The following CACNG5 variants were observed in gnomAD, a reference collection of about 807,000 sequenced individuals.
The protein encoded by CACNG5 is calcium voltage-gated channel auxiliary subunit gamma 5.
A neutral mutation model predicts 24.8 loss-of-function variants in CACNG5; 18 were observed. The ratio of observed to expected loss-of-function variants is 0.73; its 90% CI spans 0.50 to 1.08. The LOEUF (loss-of-function observed/expected upper bound fraction) is 1.08. Ranked by LOEUF, CACNG5 falls within the 50% of genes least tolerant of loss-of-function variation. The probability of loss-of-function intolerance (pLI) is 0.00; values close to 1 mark genes in which losing one functional copy is unlikely to be tolerated. For synonymous variants in CACNG5, 157 were observed against 149.1 expected (o/e 1.05, Z -0.39); for missense variants, 349 against 367.9 (o/e 0.95, Z 0.42).
rs1326953996 is a variant in CACNG5, at chr17:66,894,410, T to C, written c.*9170T>C. Among the ~76,000 whole-genome samples, 1 of 152,196 alleles carries C rather than the reference T, an allele frequency of 6.6e-6. No individual in the cohort carries two copies. The highest frequency in any genetic ancestry group is 1.5e-5 in the Non-Finnish European group (1 of 68,042). On this transcript the variant is annotated 3_prime_UTR_variant, in exon 6 of 6. Coordinates refer to ENST00000533854, the MANE Select transcript of CACNG5 (RefSeq NM_145811.3). ...TATTAATAATAAATTAGTACTAATA[T>C]ATTATTTTGGTTATTGCTACTGTTT...
At chr17:66,855,059 G>A (rs764533733) in intron 1 of CACNG5, among the ~76,000 whole-genome samples, 2 of 152,210 alleles carry the variant, frequency 1.3e-5, no homozygotes, top group Admixed American at 6.5e-5. Context: ...ACATACTGCA[G>A]GTGGTAGAAC....
intron 1 of CACNG5, among the ~76,000 whole-genome samples, chr17:66,841,171 A>G (rs1359872153): frequency 2.0e-5 from 3 of 152,192 alleles, no homozygotes; most frequent in Admixed American, 6.5e-5. Flanking sequence ...TAAGATGTAC[A>G]TTGGTTCTGT....
intron 1 of CACNG5, among the ~76,000 whole-genome samples, chr17:66,870,101 G>A (rs1387419754): frequency 1.3e-5 from 2 of 151,928 alleles, no homozygotes; most frequent in African/African-American, 4.8e-5. Flanking sequence ...AAAAGAAAAA[G>A]TGTAAAAGAA....
chr17:66,879,762 A>G (rs1977132007), intron 3 of CACNG5, among the ~76,000 whole-genome samples: 2 of 152,166 alleles, frequency 1.3e-5, no homozygotes, highest in African/African-American at 2.4e-5. Flanking sequence ...TCAACCAGGA[A>G]GCTCAACTGA....
chr17:66,877,245 C>T lies in CACNG5; in HGVS notation c.-88C>T, dbSNP rs1167322431. On this transcript the variant is annotated 5_prime_UTR_variant, in exon 2 of 6. Coordinates refer to ENST00000533854, the MANE Select transcript of CACNG5 (RefSeq NM_145811.3). Reference sequence around the variant, plus strand: ...GTCTTCTCAGAGCCGTGGGTACTGCCACCTGCTCACCCACTCTCCCTAGCC... The same window carrying T: ...GTCTTCTCAGAGCCGTGGGTACTGCTACCTGCTCACCCACTCTCCCTAGCC... The T allele has an allele frequency of 8.8e-7, 1 of 1,134,880 alleles. No homozygotes were observed. The highest frequency in any genetic ancestry group is 1.3e-6 in the Non-Finnish European group (1 of 781,676). The allele number at this position is 1,134,880 out of a possible 1,614,324, so 70.3% of individuals were successfully genotyped here.
chr17:66,874,545 A>C (rs1758223852), intron 1 of CACNG5, among the ~76,000 whole-genome samples: 1 of 152,292 alleles, frequency 6.6e-6, no homozygotes, highest in South Asian at 2.1e-4. Context: ...CAAGGGAACT[A>C]ATTCATTCCT....
intron 1 of CACNG5, among the ~76,000 whole-genome samples, chr17:66,849,664 C>T (rs566355928): frequency 6.6e-4 from 101 of 152,352 alleles, no homozygotes; most frequent in African/African-American, 2.3e-3. Context: ...ACACCCCTCT[C>T]AGCCTTCGTG....
At chr17:66,871,110 G>A (rs530143603) in intron 1 of CACNG5, among the ~76,000 whole-genome samples, 3 of 152,244 alleles carry the variant, frequency 2.0e-5, no homozygotes, top group Non-Finnish European at 2.9e-5. Flanking sequence ...AAGATTTTGC[G>A]GTCATTTTTT....
intron 1 of CACNG5, among the ~76,000 whole-genome samples, chr17:66,868,994 T>C (rs1976966702): frequency 6.6e-6 from 1 of 152,162 alleles, no homozygotes; most frequent in Non-Finnish European, 1.5e-5. Context: ...GTCTGAGCCA[T>C]TTTGCCCTTT....
At position 66,885,207 on chromosome 17, in the gene CACNG5, C is replaced by T. The variant is rs73335104; in HGVS notation, c.795C>T (p.Pro265=). 9,851 of 1,601,566 alleles carry T rather than the reference C, an allele frequency of 6.2e-3. 510 individuals are homozygous for T. The African/African-American group carries it at 0.12, about 19-fold the overall frequency. The change falls in exon 6 of 6, where the codon CCC becomes CCT. Residue 265 remains proline (P), a synonymous_variant. Coordinates refer to ENST00000533854, the MANE Select transcript of CACNG5 (RefSeq NM_145811.3). ...ACTACCCCGCCTTGCTCAAGTGCCC[C>T]GACTATGATCAGATGTCCTCTTCAC... ...NSNYPALLKC[P]DYDQMSSSPC
At chr17:66,854,407 C>CA (rs1438457497) in intron 1 of CACNG5, among the ~76,000 whole-genome samples, 9 of 145,768 alleles carry the variant, frequency 6.2e-5, no homozygotes, top group African/African-American at 1.0e-4. Context: ...GCCTGGGTGA[C>CA]AGAGCCAGAC....
rs112576176 is a variant in CACNG5 at position 66,839,828 on chromosome 17, T to A, written c.-104+4578T>A. Among the ~76,000 whole-genome samples the A allele has an allele frequency of 3.9e-5, 6 of 152,276 alleles. 1 individual carries two copies. The highest frequency in any genetic ancestry group is 1.4e-4 in the African/African-American group (6 of 41,566). On this transcript the variant is annotated intron_variant, in intron 1 of 5. Transcript: ENST00000533854. ...AGGCACAAACGCCGCTCCAGGGCTGTTCCGCGCACGTGCACTGAAGTCCTG... is the reference window on the plus strand; with the variant it reads ...AGGCACAAACGCCGCTCCAGGGCTGATCCGCGCACGTGCACTGAAGTCCTG...
chr17:66,881,381 C>T (rs112358836), intron 4 of CACNG5, among the ~76,000 whole-genome samples: 4 of 152,112 alleles, frequency 2.6e-5, no homozygotes, highest in African/African-American at 9.7e-5. Flanking sequence ...CACAATCTGC[C>T]TTTGGAATAA....
rs2143136629 is a variant in CACNG5, at chr17:66,886,218, G to A, written c.*978G>A. 6.6e-6 allele frequency among the ~76,000 whole-genome samples: 1 copy of A among 152,330 alleles called. No homozygotes were observed. The highest frequency in any genetic ancestry group is 1.9e-4 in the East Asian group (1 of 5,176). On this transcript the variant is annotated 3_prime_UTR_variant, in exon 6 of 6. Coordinates refer to ENST00000533854, the MANE Select transcript of CACNG5 (RefSeq NM_145811.3). ...GTGGAAGGTTGCCTTCGAAGAGGCT[G>A]CCTGGGAGTGGGAGCTGGATTTGAG...
chr17:66,840,286 G>A (rs2144495898), intron 1 of CACNG5, among the ~76,000 whole-genome samples: 1 of 152,336 alleles, frequency 6.6e-6, no homozygotes, highest in South Asian at 2.1e-4. Flanking sequence ...GCCATCTGCT[G>A]AGGTCAAAGC....
rs776225403 is a variant in CACNG5, at chr17:66,884,658, G to A, written c.567G>A (p.Thr189=). The A allele has an allele frequency of 1.3e-5, 21 of 1,614,020 alleles. No individual in the cohort carries two copies. The highest frequency in any genetic ancestry group is 3.3e-5 in the South Asian group (3 of 91,088). The stretch of plus-strand genomic sequence containing the variant: ...TCGCCGCCATCTCCTTCCTTTTAAC[G>A]GAGGTAAAGCCCGTCACCCTAAGTA... ...FAFAAISFLL[T]ESAGVMSVYL... The change falls in exon 5 of 6, where the codon ACG becomes ACA. Residue 189 remains threonine, a synonymous_variant. Coordinates refer to ENST00000533854, the MANE Select transcript of CACNG5 (RefSeq NM_145811.3).
At chr17:66,884,029 G>C (rs1040553294) in intron 4 of CACNG5, among the ~76,000 whole-genome samples, 1 of 152,058 alleles carries the variant, frequency 6.6e-6, no homozygotes, top group Admixed American at 6.5e-5. Context: ...CTACTCAGGA[G>C]GCTGAGGCAG....
intron 1 of CACNG5, among the ~76,000 whole-genome samples, chr17:66,863,178 T>G (rs1398858244): frequency 6.6e-6 from 1 of 152,164 alleles, no homozygotes; most frequent in Admixed American, 6.5e-5. Flanking sequence ...ACCCAACAAG[T>G]TTTGATAAGT....
intron 2 of CACNG5, 146 bp downstream of exon 2, chr17:66,877,674 G>A: frequency 3.0e-6 from 2 of 662,580 alleles, no homozygotes; most frequent in Non-Finnish European, 5.1e-6. Flanking sequence ...GGTGCTCCCT[G>A]CAGTGACTGG....
Sources: gnomAD v4.1 joint callset for allele counts (sites outside exome capture counted in the v4.1 genomes callset) on GRCh38, gnomAD v4.1.1 for gene constraint, MANE v1.5 for transcripts, NCBI Gene and HGNC (gene_info 2026-07-23, HGNC 2026-07-21) for gene names.